Variants in TACR3 observed in about 807,000 individuals in gnomAD.
TACR3 encodes the protein neuromedin-K receptor.
In TACR3, 34 loss-of-function variants were observed where a neutral mutation model predicts 35.0. That is an observed-to-expected ratio of 0.97 (90% CI 0.74 to 1.30). The LOEUF is 1.30. Ranked by LOEUF, TACR3 falls within the 50% of genes most tolerant of loss-of-function variation. TACR3 has a pLI of 0.00. For missense variants in TACR3, 558 were observed against 591.7 expected (o/e 0.94, Z 0.59); for synonymous variants, 233 against 221.1 (o/e 1.05, Z -0.48).
chr4:103,683,976 C>A (rs909359908), intron 1 of TACR3, among the ~76,000 whole-genome samples: 1 of 151,730 alleles, frequency 6.6e-6, no homozygotes, highest in Admixed American at 6.6e-5. Flanking sequence ...AACCCAAAAA[C>A]CAATTTAAAT....
chr4:103,657,560 G>A (rs1464508650), intron 2 of TACR3, among the ~76,000 whole-genome samples: 1 of 151,766 alleles, frequency 6.6e-6, no homozygotes, highest in African/African-American at 2.4e-5. Flanking sequence ...AAATTGGTGA[G>A]TAAAATAGAA....
chr4:103,691,387 T>C (rs531680102), intron 1 of TACR3, among the ~76,000 whole-genome samples: 1 of 152,302 alleles, frequency 6.6e-6, no homozygotes, highest in South Asian at 2.1e-4. Flanking sequence ...TATGACATTT[T>C]CCCAAAAAGA....
At chr4:103,614,882 G>GTTTT (rs1325226834) in intron 3 of TACR3, among the ~76,000 whole-genome samples, 37 of 90,870 alleles carry the variant, frequency 4.1e-4, no homozygotes, top group East Asian at 2.4e-3. Flanking sequence ...GATTATGAAT[G>GTTTT]TGTTTTTTTT....
chr4:103,617,605 CATAA>C (rs1468245148), intron 3 of TACR3, among the ~76,000 whole-genome samples: 2 of 152,072 alleles, frequency 1.3e-5, no homozygotes, highest in Non-Finnish European at 2.9e-5. Context: ...AACTCATAAA[CATAA>C]GAATTGGTGT....
chr4:103,705,624 G>A (rs1297664138), intron 1 of TACR3, among the ~76,000 whole-genome samples: 2 of 152,144 alleles, frequency 1.3e-5, no homozygotes, highest in Non-Finnish European at 2.9e-5. Flanking sequence ...TAAGGAAACA[G>A]CTAATTTATA....
chr4:103,702,525 A>G (rs903406813), intron 1 of TACR3, among the ~76,000 whole-genome samples: 1 of 152,204 alleles, frequency 6.6e-6, no homozygotes, highest in Non-Finnish European at 1.5e-5. Flanking sequence ...TAGAAATACC[A>G]TTTGACTCAG....
chr4:103,596,770 G>A (rs886177536), intron 3 of TACR3, among the ~76,000 whole-genome samples: 36 of 146,758 alleles, frequency 2.5e-4, no homozygotes, highest in African/African-American at 8.8e-4. Flanking sequence ...TACCCCACAA[G>A]AGTCCCCAGT....
At chr4:103,706,808 G>A (rs116418372) in intron 1 of TACR3, among the ~76,000 whole-genome samples, 145 of 152,254 alleles carry the variant, frequency 9.5e-4, no homozygotes, top group African/African-American at 3.1e-3. Flanking sequence ...TGGGAAGGAC[G>A]ATGAATCAGG....
At chr4:103,601,010 A>T (rs1020631009) in intron 3 of TACR3, among the ~76,000 whole-genome samples, 6 of 151,964 alleles carry the variant, frequency 3.9e-5, no homozygotes, top group African/African-American at 1.2e-4. Context: ...ATTCTTGGGT[A>T]TCTTTGTTAA....
intron 1 of TACR3, among the ~76,000 whole-genome samples, chr4:103,696,258 A>G (rs927900750): frequency 6.6e-6 from 1 of 152,178 alleles, no homozygotes; most frequent in Non-Finnish European, 1.5e-5. Context: ...AGTGATCTAA[A>G]TAATCACTGG....
At chr4:103,593,406 T>G (rs1723936398) in intron 3 of TACR3, 1 of 152,188 alleles carries the variant, frequency 6.6e-6, no homozygotes, top group African/African-American at 2.4e-5. Context: ...TGTATAATTT[T>G]AATAAAAATG....
intron 3 of TACR3, among the ~76,000 whole-genome samples, chr4:103,601,224 GT>G (rs983223293): frequency 2.0e-5 from 3 of 150,744 alleles, no homozygotes; most frequent in Non-Finnish European, 3.0e-5. Flanking sequence ...GCCTTTTTTT[GT>G]TTTCCATTTG....
intron 3 of TACR3, among the ~76,000 whole-genome samples, chr4:103,621,962 T>A (rs1323607423): frequency 2.0e-5 from 3 of 152,188 alleles, no homozygotes; most frequent in Non-Finnish European, 4.4e-5. Flanking sequence ...TATAAAAATA[T>A]AAAGAATGGG....
At chr4:103,717,582 A>C (rs1359925587) in intron 1 of TACR3, among the ~76,000 whole-genome samples, 13 of 152,192 alleles carry the variant, frequency 8.5e-5, no homozygotes, top group Admixed American at 8.5e-4. Flanking sequence ...AATTTTCTTC[A>C]AAGTTCATAT....
At chr4:103,602,980 A>C (rs6533100) in intron 3 of TACR3, among the ~76,000 whole-genome samples, 95,411 of 152,116 alleles carry the variant, frequency 0.63, 30,204 homozygotes, top group Non-Finnish European at 0.65. Context: ...TGTGCCCTAC[A>C]CCAAGAGGTG....
chr4:103,602,201 G>A (rs528619886), intron 3 of TACR3, among the ~76,000 whole-genome samples: 34 of 152,008 alleles, frequency 2.2e-4, no homozygotes, highest in South Asian at 6.2e-4. Context: ...TTCTGCATTC[G>A]TCACGTAGCT....
intron 2 of TACR3, among the ~76,000 whole-genome samples, chr4:103,657,945 C>CT (rs1364229780): frequency 2.1e-5 from 3 of 144,010 alleles, no homozygotes; most frequent in African/African-American, 7.4e-5. Context: ...TTGCACATTG[C>CT]TTTTATCTTT....
rs71580414 is a variant in TACR3, at chr4:103,614,884, G to GTTTTTTTTT, written c.889-23210_889-23202dup. ...TATAACCTAAGTTGATTATGAATGT[G>GTTTTTTTTT]TTTTTTTTTTTTTTTTTTTTTTTTT... On this transcript the variant is annotated intron_variant, in intron 3 of 4. Transcript: ENST00000304883. Among the ~76,000 whole-genome samples the GTTTTTTTTT allele has an allele frequency of 1.0e-3, 73 of 72,058 alleles. 13 individuals are homozygous for GTTTTTTTTT. The highest frequency in any genetic ancestry group is 3.5e-3 in the African/African-American group (58 of 16,630). The allele number at this position is 72,058 out of a possible 152,430, so 47.3% of individuals were successfully genotyped here. A position where few individuals can be genotyped will look rare whatever the true frequency, so the allele number is the denominator to read the frequency against.
chr4:103,686,341 C>T (rs1053212829), intron 1 of TACR3, among the ~76,000 whole-genome samples: 6 of 152,224 alleles, frequency 3.9e-5, no homozygotes, highest in African/African-American at 7.2e-5. Context: ...TAATCACAAC[C>T]GCTGACCAGT....
Sources: gnomAD v4.1 joint callset for allele counts (sites outside exome capture counted in the v4.1 genomes callset) on GRCh38, gnomAD v4.1.1 for gene constraint, MANE v1.5 for transcripts, NCBI Gene and HGNC (gene_info 2026-07-23, HGNC 2026-07-21) for gene names.